The following SDK1 variants were observed in gnomAD, a reference collection of about 807,000 sequenced individuals.
SDK1 encodes the protein protein sidekick-1.
Under a neutral mutation model 245.5 loss-of-function variants are expected in SDK1, and 157 were observed. The observed-to-expected ratio is 0.64, with a 90% CI of 0.56 to 0.73. SDK1 has a LOEUF of 0.73. Among genes scored for constraint, SDK1 ranks in the 30% least tolerant of loss-of-function variants. SDK1 has a pLI of 0.00. For synonymous variants in SDK1, 1,647 were observed against 1,278.5 expected (o/e 1.29, Z -6.15); for missense variants, 3,583 against 3,002.3 (o/e 1.19, Z -4.52).
chr7:3,634,861 G>C (rs1782405876), intron 2 of SDK1, among the ~76,000 whole-genome samples: 1 of 152,118 alleles, frequency 6.6e-6, no homozygotes, highest in Non-Finnish European at 1.5e-5. Context: ...CTATTTTTGG[G>C]CGTTAGTACG....
At chr7:3,399,512 A>G (rs1562463451) in intron 1 of SDK1, among the ~76,000 whole-genome samples, 1 of 152,132 alleles carries the variant, frequency 6.6e-6, no homozygotes, top group African/African-American at 2.4e-5. Context: ...TTGGTTAAAC[A>G]CTATAAATTT....
intron 42 of SDK1, among the ~76,000 whole-genome samples, chr7:4,240,666 T>C (rs1786463121): frequency 6.6e-6 from 1 of 152,158 alleles, no homozygotes; most frequent in African/African-American, 2.4e-5. Context: ...GTAGGCGCTG[T>C]CCTGGGGGCT....
chr7:3,854,436 CCT>C (rs781413784), intron 5 of SDK1, among the ~76,000 whole-genome samples: 2 of 152,152 alleles, frequency 1.3e-5, no homozygotes, highest in Non-Finnish European at 1.5e-5. Context: ...ATGATTGCCC[CCT>C]GTCTCATTTC....
At chr7:4,048,506 C>T (rs1789191307) in intron 17 of SDK1, among the ~76,000 whole-genome samples, 3 of 151,974 alleles carry the variant, frequency 2.0e-5, no homozygotes, top group Non-Finnish European at 4.4e-5. Context: ...AGCCGTGCTC[C>T]GTGTGCACCC....
intron 8 of SDK1, among the ~76,000 whole-genome samples, chr7:3,959,345 C>G (rs539519378): frequency 1.8e-4 from 27 of 152,290 alleles, no homozygotes; most frequent in African/African-American, 6.3e-4. Context: ...TGTGACCCCC[C>G]GAGATTCGGG....
chr7:4,247,631 A>C (rs1001107474), intron 44 of SDK1, among the ~76,000 whole-genome samples: 2 of 152,226 alleles, frequency 1.3e-5, no homozygotes, highest in South Asian at 2.1e-4. Context: ...TGCTCTTTCG[A>C]GTATCCAGGC....
At chr7:4,123,904 G>C (rs1784223436) in intron 25 of SDK1, among the ~76,000 whole-genome samples, 1 of 152,210 alleles carries the variant, frequency 6.6e-6, no homozygotes, top group African/African-American at 2.4e-5. Flanking sequence ...AGGGCTCTCA[G>C]GATCAGGGAG....
chr7:3,326,359 T>G (rs1779940659), intron 1 of SDK1, among the ~76,000 whole-genome samples: 1 of 152,170 alleles, frequency 6.6e-6, no homozygotes, highest in Non-Finnish European at 1.5e-5. Flanking sequence ...AATCTGTAAA[T>G]GTAGATATAT....
chr7:3,747,737 T>C (rs1779667121), intron 4 of SDK1, among the ~76,000 whole-genome samples: 1 of 151,770 alleles, frequency 6.6e-6, no homozygotes, highest in Admixed American at 6.6e-5. Context: ...GGGTTTTCAC[T>C]GAAGAGTTGA....
At chr7:3,993,321 C>T (rs1043918533) in intron 14 of SDK1, among the ~76,000 whole-genome samples, 21 of 152,112 alleles carry the variant, frequency 1.4e-4, no homozygotes, top group African/African-American at 5.1e-4. Context: ...TGGCCTTCTA[C>T]CAGTTATCAA....
intron 1 of SDK1, among the ~76,000 whole-genome samples, chr7:3,413,694 CAAAT>C (rs982453161): frequency 5.3e-5 from 8 of 151,790 alleles, no homozygotes; most frequent in African/African-American, 9.7e-5. Context: ...CTCAAACAAA[CAAAT>C]AAATAAATAA....
Position 4,149,477 on chromosome 7 carries a change from A to G in SDK1, c.4625+14A>G, listed in dbSNP as rs1262534485. ...CGTCGTTGACAGGTACTGAGAGAGC[A>G]GGAGCACCTCCCCGGGGAACGGGGC... On this transcript the variant is annotated intron_variant, in intron 30 of 44. Transcript: ENST00000404826. 6.9e-7 allele frequency: 1 copy of G among 1,445,962 alleles called. No individual in the cohort carries two copies. Among genetic ancestry groups the G allele is most frequent in the African/African-American group, 1.5e-5 (1 of 68,822 alleles). 89.6% of individuals were successfully genotyped at this position (1,445,962 alleles called of 1,614,324 possible).
At chr7:3,735,881 G>A (rs993675595) in intron 4 of SDK1, among the ~76,000 whole-genome samples, 2 of 152,080 alleles carry the variant, frequency 1.3e-5, no homozygotes. Flanking sequence ...CCATCCTAAT[G>A]TGTGAAGATG....
chr7:4,182,435 T>C (rs1053850728), intron 35 of SDK1, among the ~76,000 whole-genome samples: 1 of 152,116 alleles, frequency 6.6e-6, no homozygotes, highest in Non-Finnish European at 1.5e-5. Flanking sequence ...CAGAATACCT[T>C]TGTCATTCGG....
chr7:3,928,198 T>C (rs1455671881), intron 5 of SDK1, among the ~76,000 whole-genome samples: 3 of 152,224 alleles, frequency 2.0e-5, no homozygotes, highest in Non-Finnish European at 4.4e-5. Context: ...CATTATCTAC[T>C]GTATCCAGAA....
At chr7:3,447,823 G>C (rs1780389863) in intron 1 of SDK1, among the ~76,000 whole-genome samples, 1 of 150,186 alleles carries the variant, frequency 6.7e-6, no homozygotes, top group Non-Finnish European at 1.5e-5. Context: ...TCCTGCCTCA[G>C]CCTCTCGAGT....
rs78534450 is a variant in SDK1, at chr7:4,118,502, C to T, written c.3823+4228C>T. On this transcript the variant is annotated intron_variant, in intron 25 of 44. Coordinates refer to ENST00000404826, the MANE Select transcript of SDK1 (RefSeq NM_152744.4). ...GTGGGAATATTAAATGATTCAGAAA[C>T]GTTGGAAAACAGTTGGCATTCCTCA... 2.2e-3 allele frequency among the ~76,000 whole-genome samples: 338 copies of T among 152,288 alleles called. 2 individuals are homozygous for T. Among genetic ancestry groups the T allele is most frequent in the African/African-American group, 7.7e-3 (322 of 41,568 alleles).
At chr7:3,675,412 T>C (rs1783861876) in intron 4 of SDK1, among the ~76,000 whole-genome samples, 1 of 152,232 alleles carries the variant, frequency 6.6e-6, no homozygotes, top group African/African-American at 2.4e-5. Flanking sequence ...AATCTTTTTT[T>C]AGAATGTAAG....
intron 1 of SDK1, among the ~76,000 whole-genome samples, chr7:3,369,492 T>A (rs757229080): frequency 5.6e-4 from 85 of 152,188 alleles, no homozygotes; most frequent in Non-Finnish European, 9.7e-4. Flanking sequence ...AGGGCAAGCT[T>A]GCCAACTCTT....
Sources: allele counts gnomAD v4.1 joint callset (sites outside exome capture counted in the v4.1 genomes callset), GRCh38; gene constraint gnomAD v4.1.1; transcripts MANE v1.5; gene names NCBI Gene and HGNC (gene_info 2026-07-23, HGNC 2026-07-21).